SUPT16H: variants seen among roughly 807,000 people sequenced by gnomAD.
SUPT16H encodes SPT16 homolog, facilitates chromatin remodeling subunit.
SUPT16H carries 24 observed loss-of-function variants against 136.2 expected under a neutral mutation model. That is an observed-to-expected ratio of 0.18 (90% CI 0.13 to 0.25). The LOEUF (loss-of-function observed/expected upper bound fraction) is 0.25, where lower values mean the gene tolerates loss of function less well. Ranked by LOEUF, SUPT16H falls within the 10% of genes least tolerant of loss-of-function variation. The pLI is 1.00. For missense variants in SUPT16H, 623 were observed against 1,270.2 expected (o/e 0.49, Z 7.74); for synonymous variants, 415 against 428.2 (o/e 0.97, Z 0.38).
At position 21,368,405 on chromosome 14, in the gene SUPT16H, A is replaced by G; in HGVS notation, c.819T>C (p.Cys273=). The change falls in exon 7 of 26, where the codon TGT becomes TGC. Residue 273 remains cysteine, a synonymous_variant. Coordinates refer to ENST00000216297, the MANE Select transcript of SUPT16H (RefSeq NM_007192.4). ...KNHMHFGAIT[C]AMGIRFKSYC... is the part of the protein sequence containing the mutation. ...AAGACTTGAAGCGAATACCCATGGC[A>G]CAAGTGATAGCCCCAAAGTGCATAT... 1 of 1,613,940 alleles carries G rather than the reference A, an allele frequency of 6.2e-7. No individual in the cohort carries two copies. Among genetic ancestry groups the G allele is most frequent in the Non-Finnish European group, 8.5e-7 (1 of 1,179,948 alleles).
intron 1 of SUPT16H, among the ~76,000 whole-genome samples, chr14:21,381,573 T>A (rs1355300747): frequency 1.3e-5 from 2 of 151,798 alleles, no homozygotes; most frequent in African/African-American, 2.4e-5. Context: ...TTTTTTTTTT[T>A]AAGATGGAAG....
intron 2 of SUPT16H, 65 bp downstream of exon 2, chr14:21,373,273 A>G (rs1886826838): frequency 7.9e-7 from 1 of 1,270,392 alleles, no homozygotes; most frequent in Non-Finnish European, 1.2e-6. Context: ...TGTGGCTACC[A>G]TACTGAACAG....
intron 8 of SUPT16H, among the ~76,000 whole-genome samples, chr14:21,365,908 G>C (rs1401815145): frequency 6.6e-6 from 1 of 152,120 alleles, no homozygotes; most frequent in Non-Finnish European, 1.5e-5. Flanking sequence ...GTCAAGACCA[G>C]CCTGGGCAAC....
At chr14:21,371,165 C>T (rs993081283) in intron 3 of SUPT16H, among the ~76,000 whole-genome samples, 10 of 152,124 alleles carry the variant, frequency 6.6e-5, no homozygotes, top group Admixed American at 6.5e-4. Flanking sequence ...AGCCACCATG[C>T]CTGGCCTACC....
At chr14:21,357,839 A>G (rs1886467398) in intron 21 of SUPT16H, 88 bp downstream of exon 21, 1 of 1,297,454 alleles carries the variant, frequency 7.7e-7, no homozygotes, top group Non-Finnish European at 1.1e-6. Flanking sequence ...ATCAAAAATG[A>G]AAATGACAAT....
chr14:21,355,483 A>T (rs1886409899), intron 22 of SUPT16H, among the ~76,000 whole-genome samples: 1 of 143,072 alleles, frequency 7.0e-6, no homozygotes. Context: ...ACAGAGTGAG[A>T]CTCTGTCTCA....
At chr14:21,380,610 G>T (rs545112481) in intron 1 of SUPT16H, among the ~76,000 whole-genome samples, 10 of 152,252 alleles carry the variant, frequency 6.6e-5, no homozygotes, top group Non-Finnish European at 1.2e-4. Flanking sequence ...TTTGGGGTCA[G>T]TCTTCCACTA....
chr14:21,362,744 C>T (rs966939237), intron 14 of SUPT16H, 50 bp downstream of exon 14: 10 of 1,543,178 alleles, frequency 6.5e-6, no homozygotes, highest in Non-Finnish European at 8.7e-6. Context: ...AATACAATTA[C>T]TATTTTAAGC....
Position 21,358,550 on chromosome 14 carries a change from G to C in SUPT16H, c.2302-123C>G, listed in dbSNP as rs1294195478. The C allele has an allele frequency of 6.1e-6, 4 of 652,768 alleles. No individual in the cohort carries two copies. The Admixed American group carries it at 1.1e-4, about 18-fold the overall frequency. The allele number at this position is 652,768 out of a possible 1,614,324, so 40.4% of individuals were successfully genotyped here. A position where few individuals can be genotyped will look rare whatever the true frequency, so the allele number is the denominator to read the frequency against. ...CCAACTTTTAAGTTCAGGAGTGCAT[G>C]GGCAGGATTTGCAGGTTTGTTACAC... On this transcript the variant is annotated intron_variant, in intron 19 of 25. Coordinates refer to ENST00000216297, the MANE Select transcript of SUPT16H (RefSeq NM_007192.4).
chr14:21,370,634 C>A (rs1886765857), intron 3 of SUPT16H, 146 bp from the exon 4 acceptor site: 1 of 884,864 alleles, frequency 1.1e-6, no homozygotes. Context: ...TTTAAAGAGA[C>A]AGGGTCTTGT....
At chr14:21,353,234 T>C (rs540400430) in intron 25 of SUPT16H, among the ~76,000 whole-genome samples, 3 of 152,318 alleles carry the variant, frequency 2.0e-5, no homozygotes, top group Admixed American at 1.3e-4. Context: ...ATCATGGCTA[T>C]AGGAAAGATG....
chr14:21,357,806 A>G (rs534438843), intron 21 of SUPT16H, 121 bp downstream of exon 21: 1 of 991,864 alleles, frequency 1.0e-6, no homozygotes, highest in South Asian at 1.6e-5. Flanking sequence ...CATTTGTTCA[A>G]TGAGTTTTAA....
intron 1 of SUPT16H, chr14:21,382,928 G>A: frequency 6.6e-6 from 1 of 152,134 alleles, no homozygotes; most frequent in Admixed American, 6.5e-5. Flanking sequence ...CAGTTTGAAA[G>A]ATAATTTACA....
chr14:21,373,446 AATC>A lies in SUPT16H; in HGVS notation c.67-19_67-17del. On this transcript the variant is annotated splice_polypyrimidine_tract_variant and intron_variant, in intron 1 of 25. Transcript: ENST00000216297. ...CTTCTCCTTTCTGAAAAGAGTGGGT[AATC>A]ATCACTTAATTTTTCACACTAGCAA... 6.3e-7 allele frequency: 1 copy of A among 1,586,276 alleles called. No individual in the cohort carries two copies. The highest frequency in any genetic ancestry group is 8.7e-7 in the Non-Finnish European group (1 of 1,154,694).
chr14:21,357,337 T>C lies in SUPT16H; in HGVS notation c.2520A>G (p.Val840=). Residue 840 remains valine (V), a synonymous_variant, in exon 22 of 26, where the codon GTA becomes GTG. Coordinates refer to ENST00000216297, the MANE Select transcript of SUPT16H (RefSeq NM_007192.4). The stretch of plus-strand genomic sequence containing the variant: ...GGACCCGCTCAAAGTGGATCAGCTC[T>C]ACCTCATCCAATGTCACCACAAAAG... ...WPPFVVTLDE[V]ELIHFERVQF... is the part of the protein sequence containing the mutation. 2 of 1,602,348 alleles carry C rather than the reference T, an allele frequency of 1.2e-6. No individual in the cohort carries two copies. The highest frequency in any genetic ancestry group is 1.7e-6 in the Non-Finnish European group (2 of 1,174,712).
Position 21,354,468 on chromosome 14 carries a change from A to C in SUPT16H, c.2733T>G (p.Asp911Glu). The part of the protein sequence containing the change: ...NWTKIMKTIV[D>E]DPEGFFEQGG... ...CTTGTTCGAAGAAGCCCTCAGGGTCATCAACAATGGTCTTCATGATTTTAG... is the reference window on the plus strand; with the variant it reads ...CTTGTTCGAAGAAGCCCTCAGGGTCCTCAACAATGGTCTTCATGATTTTAG... Residue 911 changes from aspartate to glutamate, a missense_variant, in exon 23 of 26, where the codon GAT (aspartate) becomes GAG (glutamate). Asp to Glu is a conservative substitution (Grantham distance 45). Transcript: ENST00000216297. 6.2e-7 allele frequency: 1 copy of C among 1,614,232 alleles called. No homozygotes were observed. Among genetic ancestry groups the C allele is most frequent in the Non-Finnish European group, 8.5e-7 (1 of 1,180,024 alleles).
chr14:21,378,164 A>G (rs1458082110), intron 1 of SUPT16H, among the ~76,000 whole-genome samples: 2 of 151,712 alleles, frequency 1.3e-5, no homozygotes, highest in Non-Finnish European at 1.5e-5. Context: ...TAACAGGATA[A>G]TGTGGGGGGT....
Position 21,367,482 on chromosome 14 carries a change from G to GT in SUPT16H, c.955+786dup, listed in dbSNP as rs1298130881. On this transcript the variant is annotated intron_variant, in intron 7 of 25. Coordinates refer to ENST00000216297, the MANE Select transcript of SUPT16H (RefSeq NM_007192.4). ...CAAGCTAAAAAGTAGTCTAGATATG[G>GT]TGGCCTCAGAGGGATCTTTATCTTC... 1.2e-4 allele frequency among the ~76,000 whole-genome samples: 18 copies of GT among 152,326 alleles called. No individual in the cohort carries two copies. In the South Asian group the frequency reaches 3.7e-3, roughly 32 times the overall value.
intron 19 of SUPT16H, among the ~76,000 whole-genome samples, chr14:21,359,066 A>G (rs1886494791): frequency 6.7e-6 from 1 of 149,926 alleles, no homozygotes; most frequent in Admixed American, 6.7e-5. Context: ...TGGCCTCCCA[A>G]AGTGCTGGGA....
Sources: gnomAD v4.1 joint callset for allele counts (sites outside exome capture counted in the v4.1 genomes callset) on GRCh38, gnomAD v4.1.1 for gene constraint, MANE v1.5 for transcripts, NCBI Gene and HGNC (gene_info 2026-07-23, HGNC 2026-07-21) for gene names.